CACNA1H: variants seen among roughly 807,000 people sequenced by gnomAD.
CACNA1H encodes the protein calcium voltage-gated channel subunit alpha1 H, also known as voltage-dependent T-type calcium channel subunit alpha-1H.
CACNA1H carries 149 observed loss-of-function variants against 192.5 expected under a neutral mutation model. The observed-to-expected ratio is 0.77, with a 90% CI of 0.68 to 0.89. The LOEUF (loss-of-function observed/expected upper bound fraction) is 0.89, where lower values mean the gene tolerates loss of function less well. Among genes scored for constraint, CACNA1H ranks in the 40% least tolerant of loss-of-function variants. The pLI is 0.00. For synonymous variants in CACNA1H, 2,202 were observed against 1,475.2 expected, an observed-to-expected ratio of 1.49 and a Z score of -11.29; for missense variants, 4,257 against 3,423.5, an observed-to-expected ratio of 1.24 and a Z score of -6.08.
intron 2 of CACNA1H, among the ~76,000 whole-genome samples, chr16:1,176,810 C>G (rs1964934135): frequency 6.6e-6 from 1 of 152,198 alleles, no homozygotes; most frequent in Admixed American, 6.5e-5. Flanking sequence ...TGCCTCTGTC[C>G]TGCCTCCCCT....
intron 2 of CACNA1H, among the ~76,000 whole-genome samples, chr16:1,155,392 C>T (rs542132841): frequency 3.6e-4 from 55 of 152,294 alleles, no homozygotes; most frequent in African/African-American, 1.3e-3. Flanking sequence ...AGGTTTGTCT[C>T]CTCTCTAGAA....
At chr16:1,209,983 G>A in intron 17 of CACNA1H, 52 bp from the exon 18 acceptor site, 1 of 1,389,212 alleles carries the variant, frequency 7.2e-7, no homozygotes, top group Non-Finnish European at 9.9e-7. Flanking sequence ...GCCCTGATGG[G>A]GGGCCGGGCA....
At chr16:1,172,028 C>A (rs1964416581) in intron 2 of CACNA1H, among the ~76,000 whole-genome samples, 2 of 152,202 alleles carry the variant, frequency 1.3e-5, no homozygotes, top group East Asian at 1.9e-4. Flanking sequence ...CCGAGTGGGT[C>A]GGCTCAAGGT....
At chr16:1,206,413 A>G in intron 12 of CACNA1H, 124 bp downstream of exon 12, 1 of 859,994 alleles carries the variant, frequency 1.2e-6, no homozygotes, top group Non-Finnish European at 1.8e-6. Flanking sequence ...GCATCTGCAG[A>G]CACTCGGCCT....
chr16:1,190,811 C>A (rs1567485505), intron 2 of CACNA1H, among the ~76,000 whole-genome samples: 1 of 152,150 alleles, frequency 6.6e-6, no homozygotes, highest in African/African-American at 2.4e-5. Flanking sequence ...AGGGGCCCTG[C>A]AGACCCAAGA....
At chr16:1,217,476 G>A (rs1229323949) in intron 31 of CACNA1H, among the ~76,000 whole-genome samples, 1 of 151,570 alleles carries the variant, frequency 6.6e-6, no homozygotes, top group Admixed American at 6.6e-5. Flanking sequence ...TCCTTAGACG[G>A]CCCAGCCCTG....
At chr16:1,215,788 C>G (rs919744137) in intron 30 of CACNA1H, among the ~76,000 whole-genome samples, 195 bp downstream of exon 30, 1 of 152,176 alleles carries the variant, frequency 6.6e-6, no homozygotes, top group African/African-American at 2.4e-5. Context: ...TGCCCTCTGG[C>G]CTCAATCCTC....
At chr16:1,219,950 C>T (rs1405235033) in intron 34 of CACNA1H, 31 bp from the exon 35 acceptor site, 3 of 1,273,682 alleles carry the variant, frequency 2.4e-6, no homozygotes, top group Non-Finnish European at 3.0e-6. Flanking sequence ...CCCAGGGCCC[C>T]GCCCCTCACT....
chr16:1,201,694 T>C lies in CACNA1H; in HGVS notation c.1244T>C (p.Leu415Pro), dbSNP rs2141254875. 2 of 1,607,666 alleles carry C rather than the reference T, an allele frequency of 1.2e-6. No individual in the cohort carries two copies. Among genetic ancestry groups the C allele is most frequent in the South Asian group, 1.1e-5 (1 of 90,600 alleles). The change falls in exon 9 of 35, where the codon CTG (leucine) becomes CCG (proline). Residue 415 changes from leucine to proline, a missense_variant. Transcript: ENST00000348261. ...VGSFFMINLCLVVIATQFSET... is the reference protein window; with the variant it reads ...VGSFFMINLCPVVIATQFSET... ...TCCTTCTTCATGATCAACCTGTGCC[T>C]GGTGGTGATTGCCACGCAGTTCTCG... is the stretch of plus-strand genomic sequence containing the variant.
intron 5 of CACNA1H, among the ~76,000 whole-genome samples, chr16:1,196,758 A>C (rs193231605): frequency 6.6e-6 from 1 of 152,230 alleles, no homozygotes; most frequent in Non-Finnish European, 1.5e-5. Context: ...AGGAAGTCAT[A>C]TGCCTGCTTG....
At chr16:1,198,580 C>A (rs1298587925) in intron 5 of CACNA1H, 35 bp from the exon 6 acceptor site, 1 of 1,608,898 alleles carries the variant, frequency 6.2e-7, no homozygotes. Context: ...TCCTGCAGGG[C>A]TTAGCAGTGC....
At chr16:1,179,348 C>T (rs1435343074) in intron 2 of CACNA1H, among the ~76,000 whole-genome samples, 2 of 152,134 alleles carry the variant, frequency 1.3e-5, no homozygotes, top group Non-Finnish European at 2.9e-5. Context: ...GACCAGGCAT[C>T]GGGGATTGGG....
At position 1,207,662 on chromosome 16, in the gene CACNA1H, C is replaced by T; in HGVS notation, c.3064-108C>T. 4 of 1,045,160 alleles carry T rather than the reference C, an allele frequency of 3.8e-6. 1 individual carries two copies. Among genetic ancestry groups the T allele is most frequent in the South Asian group, 2.9e-5 (2 of 69,758 alleles). 64.7% of individuals were successfully genotyped at this position (1,045,160 alleles called of 1,614,324 possible). ...CCTGGCAGTGACATCATCCTCTGGG[C>T]CCTTCTGTCCACACCCCACCTCCCA... On this transcript the variant is annotated intron_variant, in intron 14 of 34. Transcript: ENST00000348261.
intron 14 of CACNA1H, 81 bp from the exon 15 acceptor site, chr16:1,207,689 G>C (rs1968903474): frequency 7.7e-6 from 10 of 1,294,590 alleles, no homozygotes; most frequent in Non-Finnish European, 9.8e-6. Context: ...CACCTCCCAG[G>C]CCAGCCCAGA....
Position 1,209,228 on chromosome 16 carries a change from G to T in CACNA1H, c.3560G>T (p.Gly1187Val). 1 of 1,544,986 alleles carries T rather than the reference G, an allele frequency of 6.5e-7. No homozygotes were observed. Among genetic ancestry groups the T allele is most frequent in the African/African-American group, 1.4e-5 (1 of 72,512 alleles). The change falls in exon 17 of 35, where the codon GGG (glycine) becomes GTG (valine). Residue 1187 changes from glycine to valine, a missense_variant. Physicochemically the swap from Gly to Val is moderately radical, Grantham distance 109. Transcript: ENST00000348261. ...DEAEDGRAAPGPRATPLRRAE... is the reference protein window; with the variant it reads ...DEAEDGRAAPVPRATPLRRAE... ...GCTGAGGACGGCAGGGCCGCGCCCG[G>T]GCCCCGTGCCACCCCACTGCGGCGG...
rs367549572 is a variant in CACNA1H at position 1,206,297 on chromosome 16, C to A, written c.2789+8C>A. 61 of 1,550,060 alleles carry A rather than the reference C, an allele frequency of 3.9e-5. No individual in the cohort carries two copies. The Middle Eastern group carries it at 9.1e-4, about 23-fold the overall frequency. On this transcript the variant is annotated splice_region_variant and intron_variant, in intron 12 of 34. Coordinates refer to ENST00000348261, the MANE Select transcript of CACNA1H (RefSeq NM_021098.3). ...CTTCATTTTCATCTTCAGGTGGGCG[C>A]AACCCCCCTCCCGGCCCGCCCAGTG...
intron 5 of CACNA1H, among the ~76,000 whole-genome samples, chr16:1,196,350 C>T (rs948329276): frequency 8.5e-5 from 13 of 152,246 alleles, no homozygotes; most frequent in African/African-American, 3.1e-4. Context: ...CCGAGCAGAT[C>T]CCTGGTGGCT....
At chr16:1,179,419 C>T (rs980441994) in intron 2 of CACNA1H, among the ~76,000 whole-genome samples, 1 of 152,132 alleles carries the variant, frequency 6.6e-6, no homozygotes. Context: ...CCGACCGAGC[C>T]GCTGCTGAGT....
chr16:1,206,925 C>T (rs539745636), intron 12 of CACNA1H, 76 bp from the exon 13 acceptor site: 9 of 209,268 alleles, frequency 4.3e-5, no homozygotes, highest in East Asian at 4.0e-4. Flanking sequence ...CTCCCACCCC[C>T]CTCCCGCTCC....
Sources: allele counts gnomAD v4.1 joint callset (sites outside exome capture counted in the v4.1 genomes callset), GRCh38; gene constraint gnomAD v4.1.1; transcripts MANE v1.5; gene names NCBI Gene and HGNC (gene_info 2026-07-23, HGNC 2026-07-21).